Variants in WSCD1 observed in about 807,000 individuals in gnomAD.
WSCD1 encodes WSC domain sialate O sulfotransferase 1.
A neutral mutation model predicts 60.4 loss-of-function variants in WSCD1; 41 were observed. The observed-to-expected ratio is 0.68, with a 90% CI of 0.53 to 0.88. WSCD1 has a LOEUF of 0.88. Ranked by LOEUF, WSCD1 falls within the 40% of genes least tolerant of loss-of-function variation. WSCD1 has a pLI of 0.00. For missense variants in WSCD1, 784 were observed against 796.2 expected, an observed-to-expected ratio of 0.98 and a Z score of 0.18; for synonymous variants, 361 against 332.5, an observed-to-expected ratio of 1.09 and a Z score of -0.93.
At chr17:6,115,085 C>T (rs527812750) in intron 7 of WSCD1, among the ~76,000 whole-genome samples, 62 of 152,274 alleles carry the variant, frequency 4.1e-4, no homozygotes, top group African/African-American at 1.5e-3. Flanking sequence ...GGCCCACACC[C>T]CTGACAGTCT....
At position 6,120,321 on chromosome 17, in the gene WSCD1, T is replaced by C; in HGVS notation, c.1388T>C (p.Phe463Ser). Reference sequence around the variant, plus strand: ...GTCCTCACTCTAGAGTGGCCGGACTTTGTCAACAGCTACGCCTCGTGGTGG... The same window carrying C: ...GTCCTCACTCTAGAGTGGCCGGACTCTGTCAACAGCTACGCCTCGTGGTGG... Reference protein sequence around the residue: ...RNWKSKEWPDFVNSYASWWSS... With the variant: ...RNWKSKEWPDSVNSYASWWSS... Residue 463 changes from phenylalanine (F) to serine (S), a missense_variant, in exon 9 of 9, where the codon TTT becomes TCT. By Grantham distance (155) the Phe-to-Ser change is radical. Coordinates refer to ENST00000317744, the MANE Select transcript of WSCD1 (RefSeq NM_015253.2). The C allele has an allele frequency of 6.2e-7, 1 of 1,613,618 alleles. No homozygotes were observed.
At chr17:6,069,800 T>TGTGC (rs201726054), upstream of WSCD1, among the ~76,000 whole-genome samples, 3 of 32,298 alleles carry the variant, frequency 9.3e-5, no homozygotes, top group Non-Finnish European at 1.9e-4. Flanking sequence ...TGTGTGTGTG[T>TGTGC]GCGTGCGTGT....
chr17:6,094,583 G>A (rs972231456), intron 4 of WSCD1, among the ~76,000 whole-genome samples: 1 of 149,580 alleles, frequency 6.7e-6, no homozygotes, highest in African/African-American at 2.4e-5. Flanking sequence ...GGAAGGAGAA[G>A]GAAGGGAGGA....
upstream of WSCD1, among the ~76,000 whole-genome samples, chr17:6,069,545 C>T (rs73974647): frequency 0.011 from 1,633 of 151,694 alleles, 27 homozygotes; most frequent in African/African-American, 0.036. Flanking sequence ...TATGTCAAGG[C>T]GTGGGTTTGT....
intron 8 of WSCD1, among the ~76,000 whole-genome samples, chr17:6,119,199 A>G (rs983231646): frequency 6.6e-6 from 1 of 152,152 alleles, no homozygotes; most frequent in Admixed American, 6.5e-5. Context: ...GGGGGCATAC[A>G]AGCATCTGGG....
intron 4 of WSCD1, among the ~76,000 whole-genome samples, chr17:6,093,391 A>AAT (rs1910182897): frequency 6.6e-6 from 1 of 152,172 alleles, no homozygotes; most frequent in South Asian, 2.1e-4. Context: ...GTCACCCAGG[A>AAT]TGTAGCTTCC....
At position 6,081,198 on chromosome 17, in the gene WSCD1, C is replaced by A. The variant is rs898736888; in HGVS notation, c.427+113C>A. The A allele has an allele frequency of 1.2e-5, 15 of 1,269,316 alleles. No individual in the cohort carries two copies. The Admixed American group carries it at 2.0e-4, about 17-fold the overall frequency. 78.6% of individuals were successfully genotyped at this position (1,269,316 alleles called of 1,614,324 possible). ...CTGTGGCCTTCACCGCTAGATGGTTCTTTCCTTCTGCTCTGCAGGACAGGA... is the reference window on the plus strand; with the variant it reads ...CTGTGGCCTTCACCGCTAGATGGTTATTTCCTTCTGCTCTGCAGGACAGGA... On this transcript the variant is annotated intron_variant, in intron 2 of 8. Transcript: ENST00000317744.
chr17:6,069,390 CGTGT>C (rs771018197), upstream of WSCD1: 2,134 of 333,746 alleles, frequency 6.4e-3, 3 homozygotes, highest in South Asian at 0.022. Context: ...CACCTCGGTG[CGTGT>C]GTGTGTGTGT....
At chr17:6,100,468 T>C (rs191734377) in intron 5 of WSCD1, among the ~76,000 whole-genome samples, 2 of 152,322 alleles carry the variant, frequency 1.3e-5, no homozygotes, top group East Asian at 1.9e-4. Context: ...GCTCCCAGAT[T>C]GTCCATCCAT....
intron 8 of WSCD1, among the ~76,000 whole-genome samples, chr17:6,119,188 G>T (rs1904489241): frequency 6.6e-6 from 1 of 152,176 alleles, no homozygotes; most frequent in Non-Finnish European, 1.5e-5. Context: ...CTGTGAATTT[G>T]GGGGGCATAC....
chr17:6,119,756 G>A (rs2150573411), intron 8 of WSCD1, among the ~76,000 whole-genome samples: 1 of 152,296 alleles, frequency 6.6e-6, no homozygotes, highest in Non-Finnish European at 1.5e-5. Flanking sequence ...GGGTCATTGT[G>A]AAGATTAGAG....
intron 7 of WSCD1, among the ~76,000 whole-genome samples, chr17:6,115,061 A>G (rs77068794): frequency 0.075 from 11,481 of 152,216 alleles, 628 homozygotes; most frequent in Admixed American, 0.15. Flanking sequence ...TAAAAAAGAG[A>G]ATCACTTGGT....
chr17:6,090,228 T>G, intron 3 of WSCD1, 93 bp from the exon 4 acceptor site: 1 of 1,300,574 alleles, frequency 7.7e-7, no homozygotes, highest in Non-Finnish European at 1.0e-6. Context: ...AAACATACTT[T>G]CTAATCTACA....
At chr17:6,086,337 A>C (rs898128429) in intron 2 of WSCD1, among the ~76,000 whole-genome samples, 13 of 147,902 alleles carry the variant, frequency 8.8e-5, no homozygotes, top group African/African-American at 2.5e-4. Flanking sequence ...ATAATTGTTC[A>C]TTCATATATA....
intron 2 of WSCD1, 108 bp downstream of exon 2, chr17:6,081,193 T>C: frequency 1.5e-6 from 2 of 1,298,208 alleles, no homozygotes; most frequent in Non-Finnish European, 1.0e-6. Flanking sequence ...CACCGCTAGA[T>C]GGTTCTTTCC....
At chr17:6,076,151 T>C (rs1908850034) in intron 1 of WSCD1, among the ~76,000 whole-genome samples, 1 of 152,162 alleles carries the variant, frequency 6.6e-6, no homozygotes, top group Non-Finnish European at 1.5e-5. Flanking sequence ...TGGCCTGGTC[T>C]GAGTGCTGGC....
chr17:6,118,307 G>A lies in WSCD1; in HGVS notation c.1375+119G>A, dbSNP rs1025732457. ...CAGGATGCAGGATCAGTATACACAG[G>A]TAGGCACTCAAACCCCATCCTGCTA... On this transcript the variant is annotated intron_variant, in intron 8 of 8. Coordinates refer to ENST00000317744, the MANE Select transcript of WSCD1 (RefSeq NM_015253.2). This position sits in a 1 kb window ranked among gnomAD's most constrained non-coding sequence, Gnocchi z 5.8. The A allele has an allele frequency of 1.9e-5, 21 of 1,098,710 alleles. No individual in the cohort carries two copies. In the East Asian group the frequency reaches 4.1e-4, roughly 21 times the overall value. The allele number at this position is 1,098,710 out of a possible 1,614,324, so 68.1% of individuals were successfully genotyped here.
chr17:6,082,061 A>G (rs558915814), intron 2 of WSCD1: 3 of 152,364 alleles, frequency 2.0e-5, no homozygotes, highest in South Asian at 2.1e-4. Flanking sequence ...TTATGACTTA[A>G]TAAAAGCAGC....
chr17:6,113,142 A>T (rs1264925016), intron 7 of WSCD1, among the ~76,000 whole-genome samples: 1 of 152,186 alleles, frequency 6.6e-6, no homozygotes, highest in Non-Finnish European at 1.5e-5. Context: ...AAATAAATCC[A>T]TGCATTTACA....
Sources: gnomAD v4.1 joint callset for allele counts (sites outside exome capture counted in the v4.1 genomes callset) on GRCh38, gnomAD v4.1.1 for gene constraint, Gnocchi (gnomAD v3.1) non-coding constraint, MANE v1.5 for transcripts, NCBI Gene and HGNC (gene_info 2026-07-23, HGNC 2026-07-21) for gene names.